Variants in VPS8 observed in about 807,000 individuals in gnomAD.
VPS8 encodes the protein vacuolar protein sorting-associated protein 8 homolog.
Under a neutral mutation model 216.4 loss-of-function variants are expected in VPS8, and 129 were observed. The ratio of observed to expected loss-of-function variants is 0.60; its 90% CI spans 0.52 to 0.69. The LOEUF is 0.69. Ranked by LOEUF, VPS8 falls within the 30% of genes least tolerant of loss-of-function variation. The pLI, the probability that VPS8 is intolerant of heterozygous loss-of-function variation, is 0.00. For missense variants in VPS8, 1,531 were observed against 1,683.5 expected (o/e 0.91, Z 1.59); for synonymous variants, 571 against 565.4 (o/e 1.01, Z -0.14).
intron 31 of VPS8, among the ~76,000 whole-genome samples, chr3:184,926,851 A>G (rs1739749424): frequency 6.6e-6 from 1 of 152,178 alleles, no homozygotes; most frequent in African/African-American, 2.4e-5. Flanking sequence ...ATCAAACTAA[A>G]TTCCTAGGTA....
Position 184,901,085 on chromosome 3 carries a change from A to G in VPS8, c.2146+113A>G, listed in dbSNP as rs1734399514. On this transcript the variant is annotated intron_variant, in intron 25 of 47. Coordinates refer to ENST00000625842, the MANE Select transcript of VPS8 (RefSeq NM_001009921.3). Reference sequence around the variant, plus strand: ...AGTGTGAATGTTGGTAATCATGTACAGTCATGTAACACCACCATAATCAAG... The same window carrying G: ...AGTGTGAATGTTGGTAATCATGTACGGTCATGTAACACCACCATAATCAAG... The G allele has an allele frequency of 8.8e-6, 8 of 913,500 alleles. No homozygotes were observed. In the Admixed American group the frequency reaches 1.8e-4, roughly 21 times the overall value. The allele number at this position is 913,500 out of a possible 1,614,324, so 56.6% of individuals were successfully genotyped here.
chr3:184,907,000 G>A (rs1735620770), intron 25 of VPS8, among the ~76,000 whole-genome samples: 2 of 152,146 alleles, frequency 1.3e-5, no homozygotes, highest in Admixed American at 1.3e-4. Context: ...AGTCTGTTTA[G>A]AAAGTTTATC....
intron 36 of VPS8, among the ~76,000 whole-genome samples, chr3:184,942,251 A>G (rs759468642): frequency 9.2e-5 from 14 of 152,212 alleles, no homozygotes; most frequent in Non-Finnish European, 1.9e-4. Context: ...GATGTTAGTT[A>G]GGTAAGACCC....
intron 39 of VPS8, 135 bp downstream of exon 39, chr3:184,966,848 G>A: frequency 1.9e-6 from 1 of 536,884 alleles, no homozygotes; most frequent in Non-Finnish European, 3.0e-6. Context: ...ATTTTAACAT[G>A]GATCCAAATT....
intron 10 of VPS8, among the ~76,000 whole-genome samples, chr3:184,851,935 A>G (rs967819377): frequency 6.6e-6 from 1 of 152,214 alleles, no homozygotes; most frequent in Non-Finnish European, 1.5e-5. Context: ...TGAGTTTTCT[A>G]AGTTAGGTAG....
chr3:184,945,293 A>G (rs910676793), intron 36 of VPS8, among the ~76,000 whole-genome samples: 2 of 151,904 alleles, frequency 1.3e-5, no homozygotes, highest in African/African-American at 4.8e-5. Context: ...TTAACAATTA[A>G]TATCATAAAC....
intron 25 of VPS8, chr3:184,901,238 G>A (rs1734431198): frequency 1.3e-5 from 5 of 378,632 alleles, no homozygotes; most frequent in Middle Eastern, 6.8e-4. Context: ...TCATGTAAAT[G>A]GAATTATGTG....
intron 35 of VPS8, among the ~76,000 whole-genome samples, chr3:184,938,805 A>G (rs1236248660): frequency 1.3e-5 from 2 of 151,908 alleles, no homozygotes; most frequent in African/African-American, 4.8e-5. Flanking sequence ...AGGCGGGCAG[A>G]TCGCTTGAGC....
Position 185,048,427 on chromosome 3 carries a change from G to A in VPS8, c.4057-52G>A, listed in dbSNP as rs1713429569. 18 of 1,579,280 alleles carry A rather than the reference G, an allele frequency of 1.1e-5. No individual in the cohort carries two copies. The South Asian group carries it at 1.8e-4, about 16-fold the overall frequency. On this transcript the variant is annotated intron_variant, in intron 46 of 47. Coordinates refer to ENST00000625842, the MANE Select transcript of VPS8 (RefSeq NM_001009921.3). ...TTCAGCATCGTGTAGAGCAAGTTGA[G>A]AGGCTGCCTAGCCACGTGATGTTGT...
At chr3:184,989,836 G>A (rs1030185379) in intron 42 of VPS8, among the ~76,000 whole-genome samples, 15 of 152,032 alleles carry the variant, frequency 9.9e-5, no homozygotes, top group African/African-American at 3.6e-4. Context: ...ACTTTGGGAG[G>A]CCGAGGCGGG....
chr3:185,037,352 C>T (rs1220745577), intron 46 of VPS8, among the ~76,000 whole-genome samples: 1 of 152,036 alleles, frequency 6.6e-6, no homozygotes, highest in Admixed American at 6.5e-5. Flanking sequence ...AGTCATTTTT[C>T]TCTTGCTGTT....
At chr3:184,826,289 T>C in intron 3 of VPS8, 58 bp downstream of exon 3, 1 of 1,441,516 alleles carries the variant, frequency 6.9e-7, no homozygotes, top group East Asian at 2.3e-5. Flanking sequence ...TTAATACTTT[T>C]TGGATTAGTT....
At chr3:185,042,882 A>T (rs574488845) in intron 46 of VPS8, among the ~76,000 whole-genome samples, 1 of 152,338 alleles carries the variant, frequency 6.6e-6, no homozygotes, top group African/African-American at 2.4e-5. Flanking sequence ...AAGGAATACC[A>T]ATCCTGTGTG....
At chr3:184,912,391 T>C (rs1271846787) in intron 25 of VPS8, among the ~76,000 whole-genome samples, 1 of 152,162 alleles carries the variant, frequency 6.6e-6, no homozygotes, top group African/African-American at 2.4e-5. Context: ...ATTGTCAGGG[T>C]GAGGGAGGCC....
intron 36 of VPS8, among the ~76,000 whole-genome samples, chr3:184,952,411 CT>C (rs1464868934): frequency 6.6e-6 from 1 of 152,168 alleles, no homozygotes; most frequent in Non-Finnish European, 1.5e-5. Flanking sequence ...TCCTTGCCAA[CT>C]GAAGAATCAC....
At chr3:184,904,764 T>G (rs936214529) in intron 25 of VPS8, among the ~76,000 whole-genome samples, 2 of 152,134 alleles carry the variant, frequency 1.3e-5, no homozygotes, top group Non-Finnish European at 2.9e-5. Flanking sequence ...TTGGAAGAGT[T>G]TGTGTAGGAT....
chr3:184,931,715 TAAC>T (rs912884621), intron 34 of VPS8, among the ~76,000 whole-genome samples: 3 of 152,302 alleles, frequency 2.0e-5, no homozygotes, highest in African/African-American at 7.2e-5. Flanking sequence ...ATATTTCTGC[TAAC>T]AACAAGATGA....
At chr3:184,996,209 G>C (rs1752589695) in intron 43 of VPS8, 123 bp from the exon 44 acceptor site, 1 of 1,169,254 alleles carries the variant, frequency 8.6e-7, no homozygotes, top group Non-Finnish European at 1.2e-6. Flanking sequence ...TCCCTTTATA[G>C]TGTGTTTCAA....
In VPS8 at chr3:184,936,248, A is replaced by T. The variant is rs777482028; in HGVS notation, c.2901A>T (p.Glu967Asp). 1.2e-6 allele frequency: 2 copies of T among 1,605,746 alleles called. No individual in the cohort carries two copies. Among genetic ancestry groups the T allele is most frequent in the South Asian group, 2.2e-5 (2 of 89,102 alleles). ...VWQKAMDHIE[E>D]LVSLKPCKAA... is the part of the protein sequence containing the mutation. ...TTTGTCTTTTCCTTTAACTCCAGGA[A>T]CTCGTGTCCCTGAAGCCTTGTAAAG... The change falls in exon 35 of 48, where the codon GAA (glutamate) becomes GAT (aspartate). Residue 967 changes from glutamate (E) to aspartate (D), a missense_variant and splice_region_variant. Coordinates refer to ENST00000625842, the MANE Select transcript of VPS8 (RefSeq NM_001009921.3).
Sources: gnomAD v4.1 joint callset for allele counts (sites outside exome capture counted in the v4.1 genomes callset) on GRCh38, gnomAD v4.1.1 for gene constraint, MANE v1.5 for transcripts, NCBI Gene and HGNC (gene_info 2026-07-23, HGNC 2026-07-21) for gene names.